PARVB: variants seen among roughly 807,000 people sequenced by gnomAD.
PARVB encodes beta-parvin.
PARVB carries 46 observed loss-of-function variants against 47.0 expected under a neutral mutation model. That is an observed-to-expected ratio of 0.98 (90% CI 0.77 to 1.25). The LOEUF (loss-of-function observed/expected upper bound fraction) is 1.25, where lower values mean the gene tolerates loss of function less well. PARVB is among the 50% of genes most tolerant of loss of function. The pLI is 0.00. For missense variants in PARVB, 473 were observed against 471.6 expected (o/e 1.00, Z -0.03); for synonymous variants, 196 against 196.3 (o/e 1.00, Z 0.01).
upstream of PARVB, among the ~76,000 whole-genome samples, chr22:44,022,687 C>A (rs1202300948): frequency 6.6e-6 from 1 of 152,118 alleles, no homozygotes; most frequent in Non-Finnish European, 1.5e-5. Context: ...CTGAGTGATC[C>A]ACCATGGCCT....
intron 11 of PARVB, among the ~76,000 whole-genome samples, chr22:44,160,933 C>G (rs1385962276): frequency 6.6e-6 from 1 of 152,224 alleles, no homozygotes; most frequent in Non-Finnish European, 1.5e-5. Context: ...TCCACTCCCT[C>G]AGCGTGGAAG....
rs191818067 is a variant in PARVB, at chr22:44,042,528, C to A, written c.112+18077C>A. ...TGCAGAGATGGGACGAGAAGACACG[C>A]CACCCTGGGAACTGGCCCGTGTCTT... On this transcript the variant is annotated intron_variant, in intron 1 of 12. Coordinates refer to ENST00000338758, the MANE Select transcript of PARVB (RefSeq NM_013327.5). Among the ~76,000 whole-genome samples, 17 of 152,312 alleles carry A rather than the reference C, an allele frequency of 1.1e-4. 1 individual carries two copies. The highest frequency in any genetic ancestry group is 1.1e-3 in the Admixed American group (17 of 15,300).
chr22:44,024,784 C>T (rs751058366), intron 1 of PARVB, among the ~76,000 whole-genome samples: 10 of 152,068 alleles, frequency 6.6e-5, no homozygotes, highest in Non-Finnish European at 1.2e-4. Flanking sequence ...TAGCCAGCCG[C>T]GCGGGGTGAC....
intron 1 of PARVB, among the ~76,000 whole-genome samples, chr22:44,074,436 G>A (rs1339940832): frequency 6.6e-6 from 1 of 152,198 alleles, no homozygotes; most frequent in Non-Finnish European, 1.5e-5. Context: ...GCATGGCCCC[G>A]CTGTCACTGG....
chr22:44,010,953 G>A (rs565160491), intron 2 of PARVB, among the ~76,000 whole-genome samples: 15 of 146,840 alleles, frequency 1.0e-4, no homozygotes, highest in Admixed American at 4.1e-4. Flanking sequence ...GTGCAGTGGC[G>A]CAATCTCAGC....
chr22:44,059,629 T>TA (rs1178682269), intron 1 of PARVB, among the ~76,000 whole-genome samples: 2 of 152,184 alleles, frequency 1.3e-5, no homozygotes, highest in African/African-American at 2.4e-5. Context: ...CCCAAGCTCA[T>TA]TCACAGGGGA....
chr22:44,163,680 C>G (rs781361421), intron 11 of PARVB, among the ~76,000 whole-genome samples, 178 bp from the exon 12 acceptor site: 2 of 152,138 alleles, frequency 1.3e-5, no homozygotes, highest in Middle Eastern at 3.2e-3. Context: ...CATGGCCCTC[C>G]GCAGACTTCC....
At chr22:44,093,819 A>T in intron 1 of PARVB, 109 bp from the exon 2 acceptor site, 1 of 689,000 alleles carries the variant, frequency 1.5e-6, no homozygotes, top group Non-Finnish European at 2.5e-6. Flanking sequence ...AATGTTTGTT[A>T]AATGCTGAAA....
intron 3 of PARVB, chr22:44,108,680 A>T (rs1362294898): frequency 6.6e-6 from 1 of 152,104 alleles, no homozygotes; most frequent in African/African-American, 2.4e-5. Context: ...GATCTCACAA[A>T]GTACATTCTC....
At chr22:44,021,788 CACACACACACA>C (rs2050652725), upstream of PARVB, among the ~76,000 whole-genome samples, 1 of 139,914 alleles carries the variant, frequency 7.1e-6, no homozygotes, top group African/African-American at 2.6e-5. Context: ...CACACACACA[CACACACACACA>C]CACACACACA....
chr22:44,131,744 A>G, intron 5 of PARVB, 117 bp downstream of exon 5: 1 of 1,177,938 alleles, frequency 8.5e-7, no homozygotes, highest in Admixed American at 2.8e-5. Context: ...GCATCTTAAA[A>G]TTGGGTTCAT....
intron 1 of PARVB, among the ~76,000 whole-genome samples, chr22:44,056,813 C>T (rs993794357): frequency 6.6e-6 from 1 of 151,738 alleles, no homozygotes; most frequent in African/African-American, 2.4e-5. Flanking sequence ...CTTTGTGCCC[C>T]AGTTTTCTCA....
chr22:44,074,409 C>G (rs549172715), intron 1 of PARVB, among the ~76,000 whole-genome samples: 1 of 152,368 alleles, frequency 6.6e-6, no homozygotes, highest in East Asian at 1.9e-4. Flanking sequence ...ACATGCTTGG[C>G]TGGTCTGGCC....
At chr22:44,054,883 G>A (rs1168551729) in intron 1 of PARVB, among the ~76,000 whole-genome samples, 2 of 151,030 alleles carry the variant, frequency 1.3e-5, no homozygotes. Flanking sequence ...CCAGCTGCTC[G>A]GGAGGCTGAG....
chr22:44,104,773 C>G (rs1351520947), intron 3 of PARVB: 1 of 152,258 alleles, frequency 6.6e-6, no homozygotes, highest in East Asian at 1.9e-4. Flanking sequence ...CCAGTGCCCA[C>G]TGGGCATCAG....
intron 1 of PARVB, among the ~76,000 whole-genome samples, chr22:44,079,784 C>T (rs1042844426): frequency 3.9e-5 from 6 of 152,078 alleles, no homozygotes; most frequent in African/African-American, 1.4e-4. Context: ...AAAAATTAGC[C>T]GGGCATGGTG....
chr22:44,098,424 G>A (rs959942386), intron 2 of PARVB, among the ~76,000 whole-genome samples: 2 of 152,210 alleles, frequency 1.3e-5, no homozygotes, highest in Non-Finnish European at 2.9e-5. Flanking sequence ...ACATGGGCCA[G>A]GGAGAGAGTG....
chr22:44,077,746 T>G (rs1054922344), intron 1 of PARVB, among the ~76,000 whole-genome samples: 8 of 152,096 alleles, frequency 5.3e-5, no homozygotes, highest in Admixed American at 5.2e-4. Flanking sequence ...TCTTTTTTTT[T>G]CTTCTGAGAC....
intron 1 of PARVB, among the ~76,000 whole-genome samples, chr22:44,044,225 C>G (rs1411715338): frequency 6.8e-6 from 1 of 147,382 alleles, no homozygotes; most frequent in Non-Finnish European, 1.5e-5. Context: ...GAGTCTCGCT[C>G]TGTTGTCAAG....
Sources: allele counts gnomAD v4.1 joint callset (sites outside exome capture counted in the v4.1 genomes callset), GRCh38; gene constraint gnomAD v4.1.1; transcripts MANE v1.5; gene names NCBI Gene and HGNC (gene_info 2026-07-23, HGNC 2026-07-21).